The following DNM1 variants were observed in gnomAD, a reference collection of about 807,000 sequenced individuals.
The protein encoded by DNM1 is dynamin-1.
A neutral mutation model predicts 104.6 loss-of-function variants in DNM1; 29 were observed. The ratio of observed to expected loss-of-function variants is 0.28; its 90% CI spans 0.21 to 0.38. The LOEUF (loss-of-function observed/expected upper bound fraction) is 0.38, where lower values mean the gene tolerates loss of function less well. Ranked by LOEUF, DNM1 falls within the 10% of genes least tolerant of loss-of-function variation. The pLI is 1.00. For missense variants in DNM1, 640 were observed against 1,189.4 expected, an observed-to-expected ratio of 0.54 and a Z score of 6.79; for synonymous variants, 445 against 475.8, an observed-to-expected ratio of 0.94 and a Z score of 0.84.
rs1399978467 is a variant in DNM1, at chr9:128,240,931, A to G, written c.1557+935A>G. 6.5e-6 allele frequency: 1 copy of G among 152,774 alleles called. No individual in the cohort carries two copies. The highest frequency in any genetic ancestry group is 2.4e-5 in the African/African-American group (1 of 41,430). The allele number at this position is 152,774 out of a possible 1,614,324, so 9.5% of individuals were successfully genotyped here. On this transcript the variant is annotated intron_variant, in intron 14 of 21. Transcript: ENST00000372923. This position sits in a 1 kb window ranked among gnomAD's most constrained non-coding sequence, Gnocchi z 5.1. Reference sequence around the variant, plus strand: ...GTGGCCAAGGGGGAGGACAAAGACTACAAGTTAGGGTGGGGAGCAGGTGGC... The same window carrying G: ...GTGGCCAAGGGGGAGGACAAAGACTGCAAGTTAGGGTGGGGAGCAGGTGGC...
At position 128,220,047 on chromosome 9, in the gene DNM1, CG is replaced by C. The variant is rs1031700799; in HGVS notation, c.650del (p.Arg217LeufsTer19). 6.2e-7 allele frequency: 1 copy of C among 1,609,578 alleles called. No individual in the cohort carries two copies. The highest frequency in any genetic ancestry group is 1.3e-5 in the African/African-American group (1 of 74,792). Reference sequence around the variant, plus strand: ...CCTGATGGACGAGGGCACAGATGCCCGTGATGTGCTGGAGAACAAGCTGCTC... The same window carrying C: ...CCTGATGGACGAGGGCACAGATGCCCTGATGTGCTGGAGAACAAGCTGCTC... ...LDLMDEGTDARDVLENKLLPL... is the reference protein window; with the variant it reads ...LDLMDEGTDAXDVLENKLLPL... On this transcript the variant is annotated frameshift_variant, in exon 5 of 22. Coordinates refer to ENST00000372923, the MANE Select transcript of DNM1 (RefSeq NM_004408.4). LOFTEE classifies it high-confidence loss of function. This position sits in a 1 kb window ranked among gnomAD's most constrained non-coding sequence, Gnocchi z 5.2.
In DNM1 at chr9:128,220,742, C is replaced by CGCGCGCGTGTGTGTGTGT. The variant is rs61020870; in HGVS notation, c.849+402_849+403insCGCGCGTGTGTGTGTGTG. ...CAGAACTGAAGTGCGCGCGCGCGCG[C>CGCGCGCGTGTGTGTGTGT]GTGTGTGTGTGTGTGTGTGTGTGTG... On this transcript the variant is annotated intron_variant, in intron 6 of 21. Transcript: ENST00000372923. This position sits in a 1 kb window ranked among gnomAD's most constrained non-coding sequence, Gnocchi z 5.2. 1.2e-4 allele frequency among the ~76,000 whole-genome samples: 16 copies of CGCGCGCGTGTGTGTGTGT among 136,362 alleles called. No individual in the cohort carries two copies. Among genetic ancestry groups the CGCGCGCGTGTGTGTGTGT allele is most frequent in the African/African-American group, 3.7e-4 (14 of 37,808 alleles). 89.5% of individuals were successfully genotyped at this position (136,362 alleles called of 152,430 possible).
chr9:128,245,335 C>G lies in DNM1; in HGVS notation c.1672-1059C>G, dbSNP rs538807296. 5.3e-5 allele frequency among the ~76,000 whole-genome samples: 8 copies of G among 152,190 alleles called. No individual in the cohort carries two copies. In the South Asian group the frequency reaches 8.3e-4, roughly 16 times the overall value. On this transcript the variant is annotated intron_variant, in intron 15 of 21. Transcript: ENST00000372923. This position sits in a 1 kb window ranked among gnomAD's most constrained non-coding sequence, Gnocchi z 5.2. ...CAAGGTCCCCCTAAACCCAGCCCCC[C>G]ACCTGAGATCCTAGGCAAGGCTCAT... is the stretch of plus-strand genomic sequence containing the variant.
intron 6 of DNM1, among the ~76,000 whole-genome samples, chr9:128,221,666 C>T (rs1835029154): frequency 6.6e-6 from 1 of 152,134 alleles, no homozygotes; most frequent in South Asian, 2.1e-4. Flanking sequence ...GAGGCTGAGG[C>T]GGGTGGATCA....
At position 128,224,315 on chromosome 9, in the gene DNM1, C is replaced by T. The variant is rs200535620; in HGVS notation, c.1261C>T (p.Arg421Ter). The change falls in exon 10 of 22, where the codon CGA (arginine) becomes TGA (stop). Residue 421 changes from arginine to a stop codon, truncating the protein, a stop_gained. Coordinates refer to ENST00000372923, the MANE Select transcript of DNM1 (RefSeq NM_004408.4). LOFTEE classifies it high-confidence loss of function. The surrounding 1 kb of genome is among the most constrained non-coding windows in gnomAD (Gnocchi z 4.3). The part of the protein sequence containing the change: ...TIVKKQVKKI[R>*]EPCLKCVDMV... ...TGTGAAAAAGCAGGTGAAGAAGATC[C>T]GAGAACCGTGTCTCAAGTGTGTGGA... is the stretch of plus-strand genomic sequence containing the variant. 47 of 1,613,934 alleles carry T rather than the reference C, an allele frequency of 2.9e-5. No individual in the cohort carries two copies. The highest frequency in any genetic ancestry group is 1.1e-4 in the East Asian group (5 of 44,888).
chr9:128,220,122 C>A lies in DNM1; in HGVS notation c.688+36C>A. 1 of 1,612,086 alleles carries A rather than the reference C, an allele frequency of 6.2e-7. No homozygotes were observed. The highest frequency in any genetic ancestry group is 1.3e-5 in the African/African-American group (1 of 75,018). ...CATGCCCCTCAACCACTCCCCAGCC[C>A]TTCCCCACCCTTCCCCTCCTCTTGA... On this transcript the variant is annotated intron_variant, in intron 5 of 21. Coordinates refer to ENST00000372923, the MANE Select transcript of DNM1 (RefSeq NM_004408.4). The surrounding 1 kb of genome is among the most constrained non-coding windows in gnomAD (Gnocchi z 5.2).
In DNM1 at chr9:128,253,342, T is replaced by C; in HGVS notation, c.2535-1312T>C. 1 of 593,698 alleles carries C rather than the reference T, an allele frequency of 1.7e-6. No homozygotes were observed. The highest frequency in any genetic ancestry group is 2.0e-5 in the South Asian group (1 of 50,638). 36.8% of individuals were successfully genotyped at this position (593,698 alleles called of 1,614,324 possible). ...TGCGAGCCTCGGGACTCAGTGCCAC[T>C]GCCCAAGGCCTCCATGGCTGAGCCT... On this transcript the variant is annotated intron_variant, in intron 21 of 21. Coordinates refer to ENST00000372923, the MANE Select transcript of DNM1 (RefSeq NM_004408.4). This position sits in a 1 kb window ranked among gnomAD's most constrained non-coding sequence, Gnocchi z 5.9.
chr9:128,252,196 T>C (rs527266820), intron 21 of DNM1: 1 of 244,108 alleles, frequency 4.1e-6, no homozygotes, highest in Admixed American at 5.1e-5. Flanking sequence ...CTGTGTTAAC[T>C]GCAGATGCAG....
chr9:128,244,811 G>A (rs1443604610), intron 15 of DNM1: 3 of 533,760 alleles, frequency 5.6e-6, no homozygotes, highest in African/African-American at 1.9e-5. Flanking sequence ...CTGGGTAGAC[G>A]GAGTGGAGGT....
At chr9:128,217,469 T>G (rs10987936) in intron 1 of DNM1, among the ~76,000 whole-genome samples, 1 of 152,052 alleles carries the variant, frequency 6.6e-6, no homozygotes, top group African/African-American at 2.4e-5. Context: ...TAGGCTGGAG[T>G]GCAATGGCGC....
chr9:128,217,551 A>C (rs1834687520), intron 1 of DNM1, among the ~76,000 whole-genome samples: 1 of 152,012 alleles, frequency 6.6e-6, no homozygotes, highest in Non-Finnish European at 1.5e-5. Context: ...CAAATAGCTG[A>C]GATTACAGGT....
chr9:128,252,936 T>A, intron 21 of DNM1: 7 of 719,048 alleles, frequency 9.7e-6, no homozygotes, highest in South Asian at 7.5e-5. Flanking sequence ...GAAGGAGGCG[T>A]ATGCGTGTTG....
chr9:128,220,127 C>T lies in DNM1; in HGVS notation c.688+41C>T, dbSNP rs1456471955. On this transcript the variant is annotated intron_variant, in intron 5 of 21. Transcript: ENST00000372923. This position sits in a 1 kb window ranked among gnomAD's most constrained non-coding sequence, Gnocchi z 5.2. ...CCCTCAACCACTCCCCAGCCCTTCC[C>T]CACCCTTCCCCTCCTCTTGAGGCTG... The T allele has an allele frequency of 3.1e-6, 5 of 1,611,928 alleles. No individual in the cohort carries two copies. The highest frequency in any genetic ancestry group is 4.2e-6 in the Non-Finnish European group (5 of 1,178,138).
Position 128,250,131 on chromosome 9 carries a change from T to C in DNM1, c.2093T>C (p.Phe698Ser). The change falls in exon 20 of 22, where the codon TTC (phenylalanine) becomes TCC (serine). Residue 698 changes from phenylalanine (F) to serine (S), a missense_variant. Physicochemically the swap from Phe to Ser is radical, Grantham distance 155. Coordinates refer to ENST00000372923, the MANE Select transcript of DNM1 (RefSeq NM_004408.4). ...LMINNTKEFI[F>S]SELLANLYSC... ...TACTCGCAGACCAAGGAGTTCATCT[T>C]CTCGGAGCTGCTGGCCAACCTGTAC... 6.2e-7 allele frequency: 1 copy of C among 1,614,098 alleles called. No individual in the cohort carries two copies. The highest frequency in any genetic ancestry group is 8.5e-7 in the Non-Finnish European group (1 of 1,180,000).
Position 128,254,564 on chromosome 9 carries a change from GCC to G in DNM1, c.2535-89_2535-88del, listed in dbSNP as rs1168449137. On this transcript the variant is annotated intron_variant, in intron 21 of 21. Transcript: ENST00000372923. The surrounding 1 kb of genome is among the most constrained non-coding windows in gnomAD (Gnocchi z 6.1). ...GCCCTCCCACCACTGCTGCGGCGCG[GCC>G]GGCCCCGGCCGTGTGCTGCGCTTGC... 4 of 1,587,170 alleles carry G rather than the reference GCC, an allele frequency of 2.5e-6. No individual in the cohort carries two copies. The African/African-American group carries it at 4.0e-5, about 16-fold the overall frequency.
chr9:128,204,491 G>GA (rs1833773310), intron 1 of DNM1: 1 of 152,354 alleles, frequency 6.6e-6, no homozygotes, highest in African/African-American at 2.4e-5. Context: ...ACAAGGCGCT[G>GA]AGAGGCCTAG....
Position 128,247,395 on chromosome 9 carries a change from G to A in DNM1, c.1802G>A (p.Arg601Gln). The A allele has an allele frequency of 6.2e-7, 1 of 1,612,652 alleles. No homozygotes were observed. Among genetic ancestry groups the A allele is most frequent in the Non-Finnish European group, 8.5e-7 (1 of 1,179,152 alleles). ...TEQRNVYKDY[R>Q]QLELACETQE... The stretch of plus-strand genomic sequence containing the variant: ...TGCAGGAATGTCTACAAGGATTATC[G>A]GCAGCTGGAGCTAGCCTGTGAGACA... The change falls in exon 17 of 22, where the codon CGG becomes CAG. Residue 601 changes from arginine to glutamine, a missense_variant. Physicochemically the swap from Arg to Gln is conservative, Grantham distance 43. Coordinates refer to ENST00000372923, the MANE Select transcript of DNM1 (RefSeq NM_004408.4). The surrounding 1 kb of genome is among the most constrained non-coding windows in gnomAD (Gnocchi z 5.1).
In DNM1 at chr9:128,220,376, C is replaced by G; in HGVS notation, c.849+35C>G. ...CAAGCCAGGATGGGGCCTGGGGAAACAAGCATGAAAACAGGATAAATTAAG... is the reference window on the plus strand; with the variant it reads ...CAAGCCAGGATGGGGCCTGGGGAAAGAAGCATGAAAACAGGATAAATTAAG... On this transcript the variant is annotated intron_variant, in intron 6 of 21. Transcript: ENST00000372923. This position sits in a 1 kb window ranked among gnomAD's most constrained non-coding sequence, Gnocchi z 5.2. 1.2e-6 allele frequency: 2 copies of G among 1,607,794 alleles called. No homozygotes were observed. Among genetic ancestry groups the G allele is most frequent in the Non-Finnish European group, 1.7e-6 (2 of 1,178,136 alleles).
At position 128,222,958 on chromosome 9, in the gene DNM1, C is replaced by T; in HGVS notation, c.1196+98C>T. 1 of 1,180,432 alleles carries T rather than the reference C, an allele frequency of 8.5e-7. No individual in the cohort carries two copies. The highest frequency in any genetic ancestry group is 1.2e-6 in the Non-Finnish European group (1 of 803,652). 73.1% of individuals were successfully genotyped at this position (1,180,432 alleles called of 1,614,324 possible). A position where few individuals can be genotyped will look rare whatever the true frequency, so the allele number is the denominator to read the frequency against. ...TGAAGTGGGCCTCCCTCAGGAAGGA[C>T]TGAAAGCTCTGTTCCCCAGTCCTCT... On this transcript the variant is annotated intron_variant, in intron 9 of 21. Coordinates refer to ENST00000372923, the MANE Select transcript of DNM1 (RefSeq NM_004408.4). The surrounding 1 kb of genome is among the most constrained non-coding windows in gnomAD (Gnocchi z 7.8).
Sources: allele counts gnomAD v4.1 joint callset (sites outside exome capture counted in the v4.1 genomes callset), GRCh38; gene constraint gnomAD v4.1.1; non-coding constraint Gnocchi (gnomAD v3.1); transcripts MANE v1.5; gene names NCBI Gene and HGNC (gene_info 2026-07-23, HGNC 2026-07-21).